MAP2: variants seen among roughly 807,000 people sequenced by gnomAD.
MAP2 encodes the protein microtubule associated protein 2.
Under a neutral mutation model 137.6 loss-of-function variants are expected in MAP2, and 14 were observed. That is an observed-to-expected ratio of 0.10 (90% CI 0.07 to 0.16). The LOEUF (loss-of-function observed/expected upper bound fraction) is 0.16. Ranked by LOEUF, MAP2 falls within the 10% of genes least tolerant of loss-of-function variation. MAP2 has a pLI of 1.00. For missense variants in MAP2, 2,088 were observed against 2,191.5 expected (o/e 0.95, Z 0.94); for synonymous variants, 786 against 782.3 (o/e 1.00, Z -0.08).
chr2:209,652,818 T>A (rs562921050), intron 4 of MAP2, among the ~76,000 whole-genome samples: 16 of 152,242 alleles, frequency 1.1e-4, no homozygotes, highest in Non-Finnish European at 2.2e-4. Context: ...CATTAAGATG[T>A]ATACCTAAAT....
intron 2 of MAP2, among the ~76,000 whole-genome samples, chr2:209,521,800 G>A (rs1181130225): frequency 1.3e-5 from 2 of 151,986 alleles, no homozygotes; most frequent in Admixed American, 6.6e-5. Flanking sequence ...AGGAGAAACT[G>A]TTTGCTAAAT....
At chr2:209,564,785 T>C (rs2073042261) in intron 2 of MAP2, among the ~76,000 whole-genome samples, 1 of 152,132 alleles carries the variant, frequency 6.6e-6, no homozygotes, top group Non-Finnish European at 1.5e-5. Flanking sequence ...TCTTTTTTCA[T>C]GCTTTACGTT....
At chr2:209,639,357 T>G (rs1024565925) in intron 4 of MAP2, among the ~76,000 whole-genome samples, 3 of 152,188 alleles carry the variant, frequency 2.0e-5, no homozygotes, top group Non-Finnish European at 4.4e-5. Flanking sequence ...AACAGTCTGT[T>G]AAGTTTATTA....
chr2:209,463,271 T>C (rs1703306042), intron 1 of MAP2, among the ~76,000 whole-genome samples: 2 of 152,212 alleles, frequency 1.3e-5, no homozygotes. Context: ...TTAAAATTTG[T>C]TCTGATAAGT....
intron 3 of MAP2, among the ~76,000 whole-genome samples, chr2:209,603,427 C>T (rs913551512): frequency 1.3e-5 from 2 of 151,978 alleles, no homozygotes; most frequent in African/African-American, 2.4e-5. Context: ...GGATGGGGGG[C>T]GGTTATCACA....
At chr2:209,681,937 T>G (rs952352447) in intron 7 of MAP2, among the ~76,000 whole-genome samples, 1 of 152,132 alleles carries the variant, frequency 6.6e-6, no homozygotes, top group Non-Finnish European at 1.5e-5. Flanking sequence ...CTTTCTTAAA[T>G]TGAAGCTTTT....
At chr2:209,476,487 A>C (rs750542264) in intron 1 of MAP2, among the ~76,000 whole-genome samples, 14 of 152,096 alleles carry the variant, frequency 9.2e-5, no homozygotes, top group Non-Finnish European at 1.9e-4. Context: ...CCATCCTGAA[A>C]GTGAAATATA....
intron 1 of MAP2, among the ~76,000 whole-genome samples, chr2:209,489,073 C>G (rs1020898623): frequency 6.6e-6 from 1 of 152,170 alleles, no homozygotes; most frequent in African/African-American, 2.4e-5. Flanking sequence ...CCATCTGGGA[C>G]AAAGCTTCCA....
At chr2:209,555,021 G>A (rs1024126615) in intron 2 of MAP2, among the ~76,000 whole-genome samples, 2 of 150,484 alleles carry the variant, frequency 1.3e-5, no homozygotes, top group African/African-American at 4.9e-5. Flanking sequence ...CAGAATTTTA[G>A]GGGAGGCATC....
chr2:209,613,616 A>G (rs2087851031), intron 3 of MAP2, among the ~76,000 whole-genome samples: 1 of 152,200 alleles, frequency 6.6e-6, no homozygotes, highest in Non-Finnish European at 1.5e-5. Context: ...AGAGCTCTAC[A>G]CTTGGTGTCT....
intron 2 of MAP2, among the ~76,000 whole-genome samples, chr2:209,552,718 G>A (rs538338151): frequency 3.3e-5 from 5 of 151,836 alleles, no homozygotes; most frequent in South Asian, 2.1e-4. Context: ...AAAATTAGCC[G>A]GGCGTTGTGG....
At chr2:209,672,632 A>G (rs1287421921) in intron 5 of MAP2, among the ~76,000 whole-genome samples, 1 of 151,822 alleles carries the variant, frequency 6.6e-6, no homozygotes, top group East Asian at 1.9e-4. Flanking sequence ...ACTTTTATAT[A>G]AAATACTGAT....
intron 1 of MAP2, among the ~76,000 whole-genome samples, chr2:209,505,865 C>T (rs928254709): frequency 4.6e-5 from 7 of 151,552 alleles, no homozygotes; most frequent in East Asian, 1.9e-4. Flanking sequence ...CCAGCTACTA[C>T]GGAGGCTGAG....
At chr2:209,479,680 C>A (rs1708258868) in intron 1 of MAP2, among the ~76,000 whole-genome samples, 1 of 151,996 alleles carries the variant, frequency 6.6e-6, no homozygotes, top group Admixed American at 6.6e-5. Context: ...GTACCTGACC[C>A]CTGGCTTGAG....
At chr2:209,707,008 G>T (rs2063641149) in intron 12 of MAP2, among the ~76,000 whole-genome samples, 1 of 152,060 alleles carries the variant, frequency 6.6e-6, no homozygotes, top group Admixed American at 6.6e-5. Flanking sequence ...TTAAGATTTA[G>T]TACTCTCCAG....
Position 209,692,744 on chromosome 2 carries a change from C to T in MAP2, c.574C>T (p.Leu192Phe). Reference protein sequence around the residue: ...SEKQSKPGEDLKHAALVSQPE... With the variant: ...SEKQSKPGEDFKHAALVSQPE... ...GAAGCAAAGTAAGCCTGGTGAAGAC[C>T]TTAAACATGCTGCCTTAGTTTCTCA... Residue 192 changes from leucine to phenylalanine, a missense_variant, in exon 8 of 16, where the codon CTT becomes TTT. By Grantham distance (22) the Leu-to-Phe change is conservative (BLOSUM62 0). Coordinates refer to ENST00000682079, the MANE Select transcript of MAP2 (RefSeq NM_001375505.1). The T allele has an allele frequency of 1.2e-6, 2 of 1,614,050 alleles. No individual in the cohort carries two copies. The highest frequency in any genetic ancestry group is 1.7e-6 in the Non-Finnish European group (2 of 1,179,986).
intron 13 of MAP2, among the ~76,000 whole-genome samples, chr2:209,719,374 C>T (rs2069169589): frequency 6.6e-6 from 1 of 152,154 alleles, no homozygotes; most frequent in African/African-American, 2.4e-5. Context: ...GTGTTAGAGT[C>T]AATTTAAAAA....
chr2:209,633,009 C>T (rs1242423319), intron 4 of MAP2, among the ~76,000 whole-genome samples: 1 of 152,134 alleles, frequency 6.6e-6, no homozygotes, highest in African/African-American at 2.4e-5. Flanking sequence ...AAGCTCCAAA[C>T]ATATTAAATG....
At chr2:209,516,764 G>A (rs565882005) in intron 2 of MAP2, among the ~76,000 whole-genome samples, 10 of 152,158 alleles carry the variant, frequency 6.6e-5, no homozygotes, top group East Asian at 3.9e-4. Flanking sequence ...ATCACAGGGG[G>A]ATGATTTGTG....
Sources: allele counts gnomAD v4.1 joint callset (sites outside exome capture counted in the v4.1 genomes callset), GRCh38; gene constraint gnomAD v4.1.1; transcripts MANE v1.5; gene names NCBI Gene and HGNC (gene_info 2026-07-23, HGNC 2026-07-21).